PDE10A: variants seen among roughly 807,000 people sequenced by gnomAD.
The protein encoded by PDE10A is cAMP and cAMP-inhibited cGMP 3',5'-cyclic phosphodiesterase 10A.
PDE10A carries 39 observed loss-of-function variants against 97.7 expected under a neutral mutation model. The ratio of observed to expected loss-of-function variants is 0.40; its 90% CI spans 0.31 to 0.52. The LOEUF (loss-of-function observed/expected upper bound fraction) is 0.52. Ranked by LOEUF, PDE10A falls within the 20% of genes least tolerant of loss-of-function variation. The pLI is 0.56. For missense variants in PDE10A, 731 were observed against 1,047.8 expected, an observed-to-expected ratio of 0.70 and a Z score of 4.17; for synonymous variants, 371 against 376.8, an observed-to-expected ratio of 0.98 and a Z score of 0.18.
chr6:165,751,993 A>T (rs4709978), intron 1 of PDE10A, among the ~76,000 whole-genome samples: 3 of 151,480 alleles, frequency 2.0e-5, no homozygotes, highest in Admixed American at 1.3e-4. Flanking sequence ...AAGTGAAAAA[A>T]CTAGCCAGGC....
intron 1 of PDE10A, among the ~76,000 whole-genome samples, chr6:165,929,589 T>C (rs563881952): frequency 6.6e-6 from 1 of 152,330 alleles, no homozygotes; most frequent in East Asian, 1.9e-4. Flanking sequence ...AGCAGCCCCA[T>C]GTGTGCAGGG....
intron 18 of PDE10A, among the ~76,000 whole-genome samples, chr6:165,374,755 GT>G (rs67030054): frequency 5.4e-4 from 76 of 141,258 alleles, no homozygotes; most frequent in Middle Eastern, 3.8e-3. Context: ...CATGTTTTTG[GT>G]TTTTTTTTTT....
intron 16 of PDE10A, among the ~76,000 whole-genome samples, chr6:165,389,631 G>C (rs1327893615): frequency 6.6e-6 from 1 of 152,220 alleles, no homozygotes; most frequent in Admixed American, 6.5e-5. Flanking sequence ...TGATAGTCAA[G>C]TGGAGATTTG....
At chr6:165,514,647 C>T (rs1011310494) in intron 2 of PDE10A, among the ~76,000 whole-genome samples, 2 of 152,152 alleles carry the variant, frequency 1.3e-5, no homozygotes, top group East Asian at 1.9e-4. Context: ...TAGGTGCTGG[C>T]CCCCGAAATG....
At chr6:165,403,649 T>C (rs552368936) in intron 13 of PDE10A, among the ~76,000 whole-genome samples, 1 of 152,330 alleles carries the variant, frequency 6.6e-6, no homozygotes, top group Non-Finnish European at 1.5e-5. Context: ...TGTTTGTCAA[T>C]AGCATTAAAT....
At chr6:165,526,317 CT>C in intron 2 of PDE10A, among the ~76,000 whole-genome samples, 1 of 152,082 alleles carries the variant, frequency 6.6e-6, no homozygotes. Context: ...TACATTGGGT[CT>C]AGTGGGTCCC....
In PDE10A at chr6:165,440,894, T is replaced by C. The variant is rs368399595; in HGVS notation, c.1195-5517A>G. On this transcript the variant is annotated intron_variant, in intron 5 of 21. Coordinates refer to ENST00000539869, the MANE Select transcript of PDE10A (RefSeq NM_001385079.1). ...TTTCAGCTTTCACAAACAACTCTGATAGATAACAGTGGAAAAACTATAAAG... is the reference window on the plus strand; with the variant it reads ...TTTCAGCTTTCACAAACAACTCTGACAGATAACAGTGGAAAAACTATAAAG... Among the ~76,000 whole-genome samples, 4 of 152,244 alleles carry C rather than the reference T, an allele frequency of 2.6e-5. No homozygotes were observed. In the East Asian group the frequency reaches 5.8e-4, roughly 22 times the overall value.
intron 1 of PDE10A, among the ~76,000 whole-genome samples, chr6:165,758,513 G>GAAGAAAGAAGAC (rs1252081300): frequency 7.6e-6 from 1 of 130,976 alleles, no homozygotes; most frequent in Non-Finnish European, 1.7e-5. Context: ...AAAGAAGAAA[G>GAAGAAAGAAGAC]AAGAAGAAGA....
intron 18 of PDE10A, among the ~76,000 whole-genome samples, chr6:165,374,382 A>C (rs1784474668): frequency 6.6e-6 from 1 of 152,026 alleles, no homozygotes; most frequent in African/African-American, 2.4e-5. Flanking sequence ...AAGTTTTTTG[A>C]AAATCTAATG....
intron 1 of PDE10A, among the ~76,000 whole-genome samples, chr6:165,758,151 T>C (rs1793160670): frequency 6.6e-6 from 1 of 152,232 alleles, no homozygotes; most frequent in South Asian, 2.1e-4. Flanking sequence ...GGCTTTAGGT[T>C]TTCCTGACTT....
chr6:165,935,094 G>A (rs908418997), intron 1 of PDE10A, among the ~76,000 whole-genome samples: 21 of 152,124 alleles, frequency 1.4e-4, no homozygotes, highest in African/African-American at 4.8e-4. Flanking sequence ...GTATAGATTT[G>A]TAAACCAGCA....
In PDE10A at chr6:165,579,436, G is replaced by A. The variant is rs563925890; in HGVS notation, c.866-35868C>T. Among the ~76,000 whole-genome samples, 204 of 152,266 alleles carry A rather than the reference G, an allele frequency of 1.3e-3. 1 individual carries two copies. Among genetic ancestry groups the A allele is most frequent in the South Asian group, 3.1e-3 (15 of 4,820 alleles). ...ATGCACAAGATTAGGGAGAATGACT[G>A]GGATGATACAAGTCCTCCCTGACTC... On this transcript the variant is annotated intron_variant, in intron 1 of 21. Coordinates refer to ENST00000539869, the MANE Select transcript of PDE10A (RefSeq NM_001385079.1).
intron 1 of PDE10A, among the ~76,000 whole-genome samples, chr6:165,807,242 C>A (rs113598188): frequency 1.3e-5 from 2 of 148,256 alleles, no homozygotes; most frequent in Admixed American, 1.3e-4. Context: ...GATGTGGACA[C>A]GCCTGCATAT....
At chr6:165,944,615 T>C (rs1783702462) in intron 1 of PDE10A, among the ~76,000 whole-genome samples, 3 of 152,230 alleles carry the variant, frequency 2.0e-5, no homozygotes, top group Admixed American at 2.0e-4. Flanking sequence ...AGTTTTTGAA[T>C]GTTGTGTCCC....
intron 1 of PDE10A, among the ~76,000 whole-genome samples, chr6:165,707,602 CAGTG>C (rs1192884199): frequency 6.6e-6 from 1 of 151,534 alleles, no homozygotes; most frequent in African/African-American, 2.4e-5. Context: ...GAGTGTGTGA[CAGTG>C]TGTGTGCATG....
In PDE10A at chr6:165,902,322, A is replaced by C. The variant is rs1782135682; in HGVS notation, c.-615+85207T>G. On this transcript the variant is annotated intron_variant, in intron 1 of 19. Transcript: ENST00000366882. ...TCCTCGGCTGGATTTGTGTGATGCAAAAATGAGCAAGCGGCAAGCCGGCTG... is the reference window on the plus strand; with the variant it reads ...TCCTCGGCTGGATTTGTGTGATGCACAAATGAGCAAGCGGCAAGCCGGCTG... 1.3e-5 allele frequency among the ~76,000 whole-genome samples: 2 copies of C among 152,222 alleles called. 1 individual carries two copies. The highest frequency in any genetic ancestry group is 4.8e-5 in the African/African-American group (2 of 41,452).
chr6:165,328,163 A>C lies in PDE10A; in HGVS notation c.*4862T>G, dbSNP rs1405159738. ...CTCTGAACTTGCACACGAAATGAACACATAGCATATACACCATACAACAGA... is the reference window on the plus strand; with the variant it reads ...CTCTGAACTTGCACACGAAATGAACCCATAGCATATACACCATACAACAGA... On this transcript the variant is annotated 3_prime_UTR_variant, in exon 22 of 22. Transcript: ENST00000539869. 1.3e-5 allele frequency: 2 copies of C among 152,236 alleles called. No individual in the cohort carries two copies. Among genetic ancestry groups the C allele is most frequent in the African/African-American group, 4.8e-5 (2 of 41,460 alleles). 9.4% of individuals were successfully genotyped at this position (152,236 alleles called of 1,614,324 possible).
At chr6:165,459,578 GATATAT>G (rs34327523) in intron 3 of PDE10A, among the ~76,000 whole-genome samples, 2 of 148,932 alleles carry the variant, frequency 1.3e-5, no homozygotes, top group South Asian at 2.1e-4. Context: ...GATAATGATA[GATATAT>G]ATATATATAT....
intron 1 of PDE10A, among the ~76,000 whole-genome samples, chr6:165,703,533 AG>A (rs1456837180): frequency 6.6e-6 from 1 of 152,244 alleles, no homozygotes; most frequent in Non-Finnish European, 1.5e-5. Flanking sequence ...ACCAGCTCAA[AG>A]CCTCATAACT....
Sources: allele counts gnomAD v4.1 joint callset (sites outside exome capture counted in the v4.1 genomes callset), GRCh38; gene constraint gnomAD v4.1.1; transcripts MANE v1.5; gene names NCBI Gene and HGNC (gene_info 2026-07-23, HGNC 2026-07-21).